COX7B2: variants seen among roughly 807,000 people sequenced by gnomAD.
The protein encoded by COX7B2 is cytochrome c oxidase subunit 7B2.
For synonymous variants in COX7B2, 37 were observed against 32.1 expected, an observed-to-expected ratio of 1.15 and a Z score of -0.51; for missense variants, 109 against 95.9, an observed-to-expected ratio of 1.14 and a Z score of -0.57.
intron 1 of COX7B2, among the ~76,000 whole-genome samples, chr4:46,882,809 T>C (rs1203875903): frequency 6.6e-6 from 1 of 152,222 alleles, no homozygotes; most frequent in Non-Finnish European, 1.5e-5. Context: ...TGATGTTTTA[T>C]TTATTAAATT....
chr4:46,770,272 G>T (rs1178037397), intron 2 of COX7B2, among the ~76,000 whole-genome samples: 1 of 151,994 alleles, frequency 6.6e-6, no homozygotes, highest in Non-Finnish European at 1.5e-5. Flanking sequence ...TAAATACTTA[G>T]AAATAAATTT....
At chr4:46,802,769 G>C (rs570653501) in intron 2 of COX7B2, among the ~76,000 whole-genome samples, 1 of 152,200 alleles carries the variant, frequency 6.6e-6, no homozygotes, top group South Asian at 2.1e-4. Context: ...TTGTGCAAAA[G>C]GAAATTAGAG....
At chr4:46,753,055 T>G (rs1200859545) in intron 2 of COX7B2, among the ~76,000 whole-genome samples, 1 of 152,132 alleles carries the variant, frequency 6.6e-6, no homozygotes, top group Non-Finnish European at 1.5e-5. Context: ...CCTGGACTTT[T>G]TTTGGTTGGT....
chr4:46,874,506 T>C (rs1329242122), intron 1 of COX7B2, among the ~76,000 whole-genome samples: 2 of 152,224 alleles, frequency 1.3e-5, no homozygotes, highest in African/African-American at 2.4e-5. Context: ...TCATTTTCTA[T>C]TCCATTTCTG....
chr4:46,822,170 T>A (rs1427390607), intron 2 of COX7B2, among the ~76,000 whole-genome samples: 1 of 152,116 alleles, frequency 6.6e-6, no homozygotes, highest in Admixed American at 6.5e-5. Flanking sequence ...CCCACCCTCC[T>A]GAAGTGTTGG....
At chr4:46,870,001 C>A (rs1717887430) in intron 1 of COX7B2, among the ~76,000 whole-genome samples, 1 of 152,120 alleles carries the variant, frequency 6.6e-6, no homozygotes, top group African/African-American at 2.4e-5. Flanking sequence ...TCCTCCCTTT[C>A]AGAGATGCCA....
At chr4:46,839,457 T>C (rs1715774595) in intron 2 of COX7B2, among the ~76,000 whole-genome samples, 1 of 151,882 alleles carries the variant, frequency 6.6e-6, no homozygotes, top group Non-Finnish European at 1.5e-5. Context: ...CAGCTCAAAG[T>C]CCCCTAGATT....
At chr4:46,805,295 C>T (rs191268593) in intron 2 of COX7B2, among the ~76,000 whole-genome samples, 158 of 152,330 alleles carry the variant, frequency 1.0e-3, no homozygotes, top group African/African-American at 3.6e-3. Flanking sequence ...GCATCAAGGC[C>T]GAGGAGGTGC....
chr4:46,833,864 T>C (rs775529627), intron 2 of COX7B2, among the ~76,000 whole-genome samples: 1 of 152,098 alleles, frequency 6.6e-6, no homozygotes, highest in Non-Finnish European at 1.5e-5. Context: ...AGAAATGTTG[T>C]TGGGTTGGCA....
chr4:46,825,235 T>G (rs577204882), intron 2 of COX7B2, among the ~76,000 whole-genome samples: 1 of 151,892 alleles, frequency 6.6e-6, no homozygotes, highest in Non-Finnish European at 1.5e-5. Flanking sequence ...TATACACCAA[T>G]GACAGCCAAA....
Position 46,754,867 on chromosome 4 carries a change from C to G in COX7B2, c.-49-19626G>C, listed in dbSNP as rs558192739. The stretch of plus-strand genomic sequence containing the variant: ...TCACAGCCAAATACTATCAAACATA[C>G]AAAGAACTAATACCAATCCTACTGA... On this transcript the variant is annotated intron_variant, in intron 2 of 2. Coordinates refer to ENST00000355591, the MANE Select transcript of COX7B2 (RefSeq NM_130902.3). Among the ~76,000 whole-genome samples, 49 of 150,672 alleles carry G rather than the reference C, an allele frequency of 3.3e-4. No individual in the cohort carries two copies. The South Asian group carries it at 8.8e-3, about 27-fold the overall frequency.
At chr4:46,907,588 T>C (rs1376680721) in intron 1 of COX7B2, among the ~76,000 whole-genome samples, 2 of 152,108 alleles carry the variant, frequency 1.3e-5, no homozygotes, top group African/African-American at 4.8e-5. Context: ...TGCTTTTTAA[T>C]TTAATATCCA....
At chr4:46,763,498 A>C (rs1345714604) in intron 2 of COX7B2, among the ~76,000 whole-genome samples, 1 of 151,820 alleles carries the variant, frequency 6.6e-6, no homozygotes, top group Non-Finnish European at 1.5e-5. Context: ...TCATGCACAA[A>C]ACATGGCCTC....
chr4:46,864,282 G>GC (rs1309174965), intron 1 of COX7B2, among the ~76,000 whole-genome samples: 2 of 151,960 alleles, frequency 1.3e-5, no homozygotes, highest in Admixed American at 1.3e-4. Flanking sequence ...TTTCTTATGA[G>GC]CCCCCCAGGT....
intron 1 of COX7B2, among the ~76,000 whole-genome samples, chr4:46,862,086 C>T (rs1717370310): frequency 6.6e-6 from 1 of 152,298 alleles, no homozygotes; most frequent in South Asian, 2.1e-4. Context: ...TTCAGTTTCT[C>T]CACTGCTGGT....
At chr4:46,870,860 A>G (rs1311573873) in intron 1 of COX7B2, among the ~76,000 whole-genome samples, 3 of 152,030 alleles carry the variant, frequency 2.0e-5, no homozygotes, top group African/African-American at 7.2e-5. Context: ...ACGGAAAAAC[A>G]CTCTATGCTC....
chr4:46,841,982 C>T (rs1715958043), intron 2 of COX7B2, among the ~76,000 whole-genome samples: 1 of 151,880 alleles, frequency 6.6e-6, no homozygotes. Context: ...CTCCCAGGTC[C>T]AGGAAACAAA....
At chr4:46,844,409 A>T (rs1484702214) in intron 2 of COX7B2, among the ~76,000 whole-genome samples, 1 of 151,944 alleles carries the variant, frequency 6.6e-6, no homozygotes, top group Non-Finnish European at 1.5e-5. Flanking sequence ...CACCATACTG[A>T]CCAAGTCAAC....
chr4:46,796,873 A>G (rs1718376816), intron 2 of COX7B2, among the ~76,000 whole-genome samples: 1 of 44,700 alleles, frequency 2.2e-5, no homozygotes, highest in African/African-American at 1.2e-4. Context: ...ATTCTCACTC[A>G]TAGGTGGGAA....
Sources: allele counts gnomAD v4.1 joint callset (sites outside exome capture counted in the v4.1 genomes callset), GRCh38; gene constraint gnomAD v4.1.1; transcripts MANE v1.5; gene names NCBI Gene and HGNC (gene_info 2026-07-23, HGNC 2026-07-21).